TMCC1: variants seen among roughly 807,000 people sequenced by gnomAD.
TMCC1 encodes transmembrane and coiled-coil domains protein 1.
TMCC1 carries 15 observed loss-of-function variants against 52.4 expected under a neutral mutation model. The ratio of observed to expected loss-of-function variants is 0.29; its 90% CI spans 0.19 to 0.44. The LOEUF is 0.44. Among genes scored for constraint, TMCC1 ranks in the 20% least tolerant of loss-of-function variants. The probability of loss-of-function intolerance (pLI) is 1.00; values close to 1 mark genes in which losing one functional copy is unlikely to be tolerated. For missense variants in TMCC1, 503 were observed against 806.0 expected (o/e 0.62, Z 4.55); for synonymous variants, 279 against 301.9 (o/e 0.92, Z 0.79).
chr3:129,697,285 G>A (rs2047483229), intron 4 of TMCC1, among the ~76,000 whole-genome samples: 1 of 152,158 alleles, frequency 6.6e-6, no homozygotes, highest in Admixed American at 6.5e-5. Flanking sequence ...ACACCACATG[G>A]AAGCTACCAA....
intron 4 of TMCC1, among the ~76,000 whole-genome samples, chr3:129,787,593 TA>T (rs906098711): frequency 7.9e-5 from 12 of 151,892 alleles, no homozygotes; most frequent in Non-Finnish European, 1.5e-4. Flanking sequence ...GCCAAAATGA[TA>T]AAAAAAAGAA....
At chr3:129,689,858 TAGA>T (rs1397986429) in intron 4 of TMCC1, among the ~76,000 whole-genome samples, 1 of 152,242 alleles carries the variant, frequency 6.6e-6, no homozygotes, top group African/African-American at 2.4e-5. Flanking sequence ...TTTGATTTAA[TAGA>T]AGTTTTGTTT....
chr3:129,760,851 G>A (rs186658300), intron 4 of TMCC1, among the ~76,000 whole-genome samples: 12 of 151,670 alleles, frequency 7.9e-5, no homozygotes, highest in African/African-American at 2.9e-4. Flanking sequence ...GGCTCAAGCA[G>A]TCTACCCACC....
At chr3:129,738,741 A>G (rs891548418) in intron 4 of TMCC1, among the ~76,000 whole-genome samples, 2 of 152,354 alleles carry the variant, frequency 1.3e-5, no homozygotes, top group Admixed American at 1.3e-4. Flanking sequence ...AGTGTTTAAG[A>G]ATAGAATTTA....
chr3:129,830,763 T>C (rs1269887948), intron 3 of TMCC1, among the ~76,000 whole-genome samples: 2 of 152,176 alleles, frequency 1.3e-5, no homozygotes, highest in Non-Finnish European at 2.9e-5. Context: ...ACTTGTCTCA[T>C]ATGCAAAGGT....
intron 4 of TMCC1, chr3:129,688,262 G>GT: frequency 1.0e-6 from 1 of 983,294 alleles, no homozygotes; most frequent in Non-Finnish European, 1.2e-6. Context: ...AGCTTGGATG[G>GT]TAAAAAAAAA....
intron 2 of TMCC1, among the ~76,000 whole-genome samples, chr3:129,854,387 C>CA (rs1164345143): frequency 0.021 from 923 of 44,294 alleles, 9 homozygotes; most frequent in African/African-American, 0.065. Flanking sequence ...GACTCTGTGT[C>CA]AAAAAAAAAA....
intron 4 of TMCC1, among the ~76,000 whole-genome samples, chr3:129,691,567 G>A (rs2047030604): frequency 6.6e-6 from 1 of 151,198 alleles, no homozygotes; most frequent in Admixed American, 6.6e-5. Context: ...GATCACTTAA[G>A]GCCAGGAGTT....
intron 2 of TMCC1, among the ~76,000 whole-genome samples, chr3:129,859,821 C>T (rs2060306398): frequency 6.6e-6 from 1 of 152,090 alleles, no homozygotes; most frequent in African/African-American, 2.4e-5. Context: ...TTTAATTTTT[C>T]CCTCTTCATA....
intron 4 of TMCC1, among the ~76,000 whole-genome samples, chr3:129,704,580 G>A (rs376096794): frequency 7.2e-4 from 110 of 152,144 alleles, no homozygotes; most frequent in African/African-American, 2.5e-3. Context: ...CACGACGCCC[G>A]GCTAATTTTT....
chr3:129,730,522 C>G (rs1366928883), intron 4 of TMCC1, among the ~76,000 whole-genome samples: 1 of 152,114 alleles, frequency 6.6e-6, no homozygotes, highest in East Asian at 1.9e-4. Flanking sequence ...ACATGTGTAC[C>G]CTTTTACTAA....
At chr3:129,825,640 A>G (rs1393915352) in intron 4 of TMCC1, among the ~76,000 whole-genome samples, 1 of 152,102 alleles carries the variant, frequency 6.6e-6, no homozygotes, top group Non-Finnish European at 1.5e-5. Context: ...AGTTGAATCA[A>G]CAACAGTTGA....
At chr3:129,785,936 T>TTG (rs530026305) in intron 4 of TMCC1, among the ~76,000 whole-genome samples, 1 of 135,358 alleles carries the variant, frequency 7.4e-6, no homozygotes, top group Non-Finnish European at 1.5e-5. Flanking sequence ...TCACCCCCTT[T>TTG]TTTTTTTTTT....
intron 4 of TMCC1, among the ~76,000 whole-genome samples, chr3:129,805,923 C>A (rs1028447000): frequency 1.3e-5 from 2 of 152,104 alleles, no homozygotes; most frequent in South Asian, 2.1e-4. Flanking sequence ...CAGAGTAAGA[C>A]CCTGTCTCTT....
rs1204714080 is a variant in TMCC1 at position 129,671,280 on chromosome 3, G to C, written c.577-16C>G. ...ACCGTTCGATCTAGTGTAAAAACAA[G>C]AGGTACATGTTAGAAGCCCAAGAGG... is the stretch of plus-strand genomic sequence containing the variant. On this transcript the variant is annotated splice_polypyrimidine_tract_variant and intron_variant, in intron 4 of 6. Coordinates refer to ENST00000393238, the MANE Select transcript of TMCC1 (RefSeq NM_001017395.5). 1 of 1,593,588 alleles carries C rather than the reference G, an allele frequency of 6.3e-7. No homozygotes were observed. Among genetic ancestry groups the C allele is most frequent in the Admixed American group, 1.7e-5 (1 of 57,308 alleles).
chr3:129,704,213 AT>A (rs1165633982), intron 4 of TMCC1, among the ~76,000 whole-genome samples: 3 of 152,232 alleles, frequency 2.0e-5, no homozygotes, highest in African/African-American at 7.2e-5. Context: ...GAATTTAGAT[AT>A]TTTGAACTGC....
chr3:129,696,148 G>A (rs1443025552), intron 4 of TMCC1, among the ~76,000 whole-genome samples: 1 of 152,144 alleles, frequency 6.6e-6, no homozygotes, highest in Non-Finnish European at 1.5e-5. Context: ...GCACCTTTTA[G>A]AGGTCTGAAT....
chr3:129,827,765 C>T, intron 4 of TMCC1, 38 bp downstream of exon 4: 1 of 1,590,468 alleles, frequency 6.3e-7, no homozygotes, highest in Non-Finnish European at 8.6e-7. Flanking sequence ...GTATGAAAAA[C>T]AGTAAGTTAA....
At chr3:129,878,011 T>C (rs1489572155) in intron 2 of TMCC1, among the ~76,000 whole-genome samples, 1 of 151,212 alleles carries the variant, frequency 6.6e-6, no homozygotes, top group Non-Finnish European at 1.5e-5. Context: ...CAGGCTGGAG[T>C]ATAATGGCGC....
Sources: gnomAD v4.1 joint callset for allele counts (sites outside exome capture counted in the v4.1 genomes callset) on GRCh38, gnomAD v4.1.1 for gene constraint, MANE v1.5 for transcripts, NCBI Gene and HGNC (gene_info 2026-07-23, HGNC 2026-07-21) for gene names.